CARD10: variants seen among roughly 807,000 people sequenced by gnomAD.
CARD10 encodes caspase recruitment domain family member 10, also known as caspase recruitment domain-containing protein 10.
CARD10 carries 49 observed loss-of-function variants against 114.6 expected under a neutral mutation model. That is an observed-to-expected ratio of 0.43 (90% CI 0.34 to 0.54). The LOEUF (loss-of-function observed/expected upper bound fraction) is 0.54, where lower values mean the gene tolerates loss of function less well. CARD10 is among the 20% of genes least tolerant of loss of function. The pLI, the probability that CARD10 is intolerant of heterozygous loss-of-function variation, is 0.03. For missense variants in CARD10, 1,206 were observed against 1,397.2 expected (o/e 0.86, Z 2.18); for synonymous variants, 602 against 593.2 (o/e 1.01, Z -0.21).
chr22:37,516,189 G>A lies in CARD10; in HGVS notation c.483C>T (p.Gly161=). 6.3e-7 allele frequency: 1 copy of A among 1,592,744 alleles called. No individual in the cohort carries two copies. Among genetic ancestry groups the A allele is most frequent in the South Asian group, 1.1e-5 (1 of 88,662 alleles). ...CTGCCCGCTCCTCCTCGAGCACCCG[G>A]CCCCGGGCCTGCAGTTGCTGCTCCC... ...LQREQQLQAR[G]RVLEEERAGL... Residue 161 remains glycine, a synonymous_variant, in exon 3 of 20, where the codon GGC becomes GGT. Coordinates refer to ENST00000251973, the MANE Select transcript of CARD10 (RefSeq NM_014550.4).
intron 7 of CARD10, 43 bp downstream of exon 7, chr22:37,506,149 C>A: frequency 7.0e-7 from 1 of 1,419,864 alleles, no homozygotes; most frequent in Non-Finnish European, 9.3e-7. Context: ...CTGCCAGGAC[C>A]CCAGCCTTCC....
intron 7 of CARD10, among the ~76,000 whole-genome samples, chr22:37,505,723 C>T (rs1264960714): frequency 6.6e-6 from 1 of 152,096 alleles, no homozygotes; most frequent in Non-Finnish European, 1.5e-5. Context: ...GGGACTCCAG[C>T]TCCAGTGCTA....
At position 37,491,091 on chromosome 22, in the gene CARD10, G is replaced by A. The variant is rs1338510918; in HGVS notation, c.*68C>T. The stretch of plus-strand genomic sequence containing the variant: ...GTCTAGGAAGGCTCAGGGTGGGAGG[G>A]CCCAGCTTCACCATAGACACCAGGG... On this transcript the variant is annotated 3_prime_UTR_variant, in exon 20 of 20. Transcript: ENST00000251973. The A allele has an allele frequency of 1.6e-6, 2 of 1,284,606 alleles. No homozygotes were observed. The highest frequency in any genetic ancestry group is 2.2e-6 in the Non-Finnish European group (2 of 916,858). The allele number at this position is 1,284,606 out of a possible 1,614,324, so 79.6% of individuals were successfully genotyped here. A position where few individuals can be genotyped will look rare whatever the true frequency, so the allele number is the denominator to read the frequency against.
chr22:37,496,657 C>T lies in CARD10; in HGVS notation c.1948-97G>A, dbSNP rs992453463. ...AGACCAGGTGTGGGGGTGTTTCATGCCTCACAGTTCAGATAGCGCCCCCTC... is the reference window on the plus strand; with the variant it reads ...AGACCAGGTGTGGGGGTGTTTCATGTCTCACAGTTCAGATAGCGCCCCCTC... On this transcript the variant is annotated intron_variant, in intron 12 of 19. Coordinates refer to ENST00000251973, the MANE Select transcript of CARD10 (RefSeq NM_014550.4). This position sits in a 1 kb window ranked among gnomAD's most constrained non-coding sequence, Gnocchi z 4.1. The T allele has an allele frequency of 4.7e-6, 4 of 856,288 alleles. No individual in the cohort carries two copies. In the African/African-American group the frequency reaches 6.7e-5, roughly 14 times the overall value. 53.0% of individuals were successfully genotyped at this position (856,288 alleles called of 1,614,324 possible). A position where few individuals can be genotyped will look rare whatever the true frequency, so the allele number is the denominator to read the frequency against.
chr22:37,498,058 T>C (rs1256967274), intron 11 of CARD10, among the ~76,000 whole-genome samples: 2 of 152,106 alleles, frequency 1.3e-5, no homozygotes, highest in African/African-American at 4.8e-5. Flanking sequence ...GCTGAAGGAA[T>C]ATATCAGAGC....
intron 11 of CARD10, among the ~76,000 whole-genome samples, chr22:37,498,467 G>A (rs975799721): frequency 9.2e-5 from 14 of 152,202 alleles, no homozygotes; most frequent in Non-Finnish European, 1.9e-4. Context: ...TGTGCTGGCT[G>A]GAGAGGCAGC....
At chr22:37,517,537 G>T (rs1056917555) in intron 2 of CARD10, among the ~76,000 whole-genome samples, 14 of 152,208 alleles carry the variant, frequency 9.2e-5, no homozygotes, top group African/African-American at 3.4e-4. Context: ...AGCTACTCGG[G>T]AGGCTGAGGC....
intron 1 of CARD10, among the ~76,000 whole-genome samples, chr22:37,518,546 C>G (rs1923918240): frequency 6.6e-6 from 1 of 152,208 alleles, no homozygotes. Flanking sequence ...TGAGACGGAT[C>G]TTGACACTTG....
rs1031564856 is a variant in CARD10 at position 37,490,590 on chromosome 22, A to C, written c.*569T>G. The C allele has an allele frequency of 6.6e-5, 10 of 152,632 alleles. No homozygotes were observed. Among genetic ancestry groups the C allele is most frequent in the African/African-American group, 2.4e-4 (10 of 41,440 alleles). The allele number at this position is 152,632 out of a possible 1,614,324, so 9.5% of individuals were successfully genotyped here. On this transcript the variant is annotated 3_prime_UTR_variant, in exon 20 of 20. Transcript: ENST00000251973. ...GAAACAGGGGTGGGGCGTGACATTT[A>C]CACAGGAGAGAACCACAGACACCCA...
intron 6 of CARD10, among the ~76,000 whole-genome samples, chr22:37,506,886 C>T (rs543881431): frequency 2.0e-5 from 3 of 152,368 alleles, no homozygotes; most frequent in Non-Finnish European, 2.9e-5. Flanking sequence ...ATGCAGATTC[C>T]TGGGGCCCAC....
intron 4 of CARD10, chr22:37,508,887 G>T: frequency 7.8e-7 from 1 of 1,278,380 alleles, no homozygotes; most frequent in Non-Finnish European, 1.1e-6. Context: ...ACCCTCCAGG[G>T]AGTATCTGGG....
chr22:37,512,741 C>T (rs531988631), intron 3 of CARD10, among the ~76,000 whole-genome samples: 33 of 152,306 alleles, frequency 2.2e-4, no homozygotes, highest in Non-Finnish European at 3.8e-4. Flanking sequence ...GACCCCTGGC[C>T]AGCCGGCTTC....
chr22:37,512,467 A>C (rs56131006), intron 3 of CARD10, among the ~76,000 whole-genome samples: 6 of 43,008 alleles, frequency 1.4e-4, no homozygotes, highest in African/African-American at 1.0e-3. Context: ...CCCCCCCTCC[A>C]CACACACACA....
At position 37,508,814 on chromosome 22, in the gene CARD10, C is replaced by G. The variant is rs546817478; in HGVS notation, c.910-132G>C. ...GCTCTGCCATGCTGGCCCGGGGCCT[C>G]GACCCTCTCTGGATCTCTGTCTCCC... On this transcript the variant is annotated intron_variant, in intron 4 of 19. Coordinates refer to ENST00000251973, the MANE Select transcript of CARD10 (RefSeq NM_014550.4). 1,346 of 1,241,914 alleles carry G rather than the reference C, an allele frequency of 1.1e-3. 2 individuals carry two copies. The highest frequency in any genetic ancestry group is 2.2e-3 in the Middle Eastern group (10 of 4,448). 76.9% of individuals were successfully genotyped at this position (1,241,914 alleles called of 1,614,324 possible).
intron 11 of CARD10, among the ~76,000 whole-genome samples, chr22:37,500,273 C>T (rs115380081): frequency 0.021 from 3,246 of 152,314 alleles, 108 homozygotes; most frequent in African/African-American, 0.074. Flanking sequence ...CTTATGGGAA[C>T]CCTCTCTTTG....
At position 37,507,560 on chromosome 22, in the gene CARD10, C is replaced by G. The variant is rs559776920; in HGVS notation, c.1191+269G>C. Among the ~76,000 whole-genome samples the G allele has an allele frequency of 6.3e-4, 96 of 152,298 alleles. 1 individual carries two copies. Among genetic ancestry groups the G allele is most frequent in the African/African-American group, 2.3e-3 (94 of 41,570 alleles). On this transcript the variant is annotated intron_variant, in intron 6 of 19. Coordinates refer to ENST00000251973, the MANE Select transcript of CARD10 (RefSeq NM_014550.4). ...GGCCTTGTCTTTGAGATGGACAGAACAAGGGATTCAAAAATGAAGACACCA... is the reference window on the plus strand; with the variant it reads ...GGCCTTGTCTTTGAGATGGACAGAAGAAGGGATTCAAAAATGAAGACACCA...
chr22:37,502,851 T>A, intron 10 of CARD10, 126 bp from the exon 11 acceptor site: 2 of 1,103,590 alleles, frequency 1.8e-6, no homozygotes, highest in Non-Finnish European at 2.5e-6. Flanking sequence ...CAGGAGCACA[T>A]CAGACCCACT....
At chr22:37,494,535 A>AGGGT (rs572743336) in intron 15 of CARD10, 220 of 332,818 alleles carry the variant, frequency 6.6e-4, no homozygotes, top group African/African-American at 4.5e-3. Context: ...GGCAAACTTT[A>AGGGT]GGGTCTCTTC....
rs1437788085 is a variant in CARD10, at chr22:37,508,559, C to T, written c.1033G>A (p.Glu345Lys). ...LCQKLHAVQG[E>K]LQWAEELRDQ... is the part of the protein sequence containing the mutation. ...CGCAGCTCCTCGGCCCACTGCAGCT[C>T]CCCCTGCACGGCATGCAGCTTCTGG... The change falls in exon 5 of 20, where the codon GAG (glutamate) becomes AAG (lysine). Residue 345 changes from glutamate to lysine, a missense_variant. Physicochemically the swap from Glu to Lys is moderately conservative, Grantham distance 56. Transcript: ENST00000251973. 4.4e-6 allele frequency: 7 copies of T among 1,598,142 alleles called. No homozygotes were observed. The highest frequency in any genetic ancestry group is 1.3e-5 in the African/African-American group (1 of 74,886).
Sources: gnomAD v4.1 joint callset for allele counts (sites outside exome capture counted in the v4.1 genomes callset) on GRCh38, gnomAD v4.1.1 for gene constraint, Gnocchi (gnomAD v3.1) non-coding constraint, MANE v1.5 for transcripts, NCBI Gene and HGNC (gene_info 2026-07-23, HGNC 2026-07-21) for gene names.